NRXN1: variants seen among roughly 807,000 people sequenced by gnomAD.
NRXN1 encodes the protein neurexin-1.
In NRXN1, 39 loss-of-function variants were observed where a neutral mutation model predicts 150.9. The ratio of observed to expected loss-of-function variants is 0.26; its 90% CI spans 0.20 to 0.34. NRXN1 has a LOEUF of 0.34. NRXN1 is among the 10% of genes least tolerant of loss of function. The pLI is 1.00. For synonymous variants in NRXN1, 924 were observed against 757.0 expected (o/e 1.22, Z -3.62); for missense variants, 1,815 against 1,949.9 (o/e 0.93, Z 1.30).
intron 9 of NRXN1, 45 bp downstream of exon 9, chr2:50,552,541 TG>T: frequency 7.0e-7 from 1 of 1,420,886 alleles, no homozygotes; most frequent in Non-Finnish European, 9.9e-7. Flanking sequence ...CATGGGTGGG[TG>T]GGGTGCTCCA....
At chr2:50,661,495 T>C (rs1350402482) in intron 5 of NRXN1, among the ~76,000 whole-genome samples, 2 of 152,082 alleles carry the variant, frequency 1.3e-5, no homozygotes, top group Non-Finnish European at 2.9e-5. Flanking sequence ...TGCTCAACTA[T>C]AGCTTATTAA....
chr2:50,711,133 G>A (rs539500984), intron 5 of NRXN1, among the ~76,000 whole-genome samples: 6 of 152,080 alleles, frequency 3.9e-5, no homozygotes, highest in East Asian at 1.9e-4. Flanking sequence ...ACAACCCTGC[G>A]TAGCAAACAC....
chr2:50,825,014 C>CA (rs1293613285), intron 5 of NRXN1, among the ~76,000 whole-genome samples: 1 of 152,206 alleles, frequency 6.6e-6, no homozygotes, highest in East Asian at 1.9e-4. Context: ...GAAGAAAAGT[C>CA]AAAAAATTAG....
At chr2:50,135,597 G>A (rs571000633) in intron 18 of NRXN1, among the ~76,000 whole-genome samples, 5 of 152,186 alleles carry the variant, frequency 3.3e-5, no homozygotes, top group African/African-American at 9.6e-5. Context: ...AGGCTGAGGC[G>A]GGAGACTGGC....
chr2:50,044,839 G>A lies in NRXN1; in HGVS notation c.4128+8432C>T, dbSNP rs954558916. 5.3e-5 allele frequency among the ~76,000 whole-genome samples: 8 copies of A among 152,090 alleles called. No individual in the cohort carries two copies. The East Asian group carries it at 1.3e-3, about 26-fold the overall frequency. On this transcript the variant is annotated intron_variant, in intron 21 of 22. Coordinates refer to ENST00000401669, the MANE Select transcript of NRXN1 (RefSeq NM_001330078.2). ...GTTGCACATAAGATTTTGCAAATTT[G>A]TAATTCTAAATGAAAATTTTGTGGA...
chr2:50,635,382 G>C (rs1683086511), intron 5 of NRXN1, among the ~76,000 whole-genome samples: 1 of 151,074 alleles, frequency 6.6e-6, no homozygotes, highest in Non-Finnish European at 1.5e-5. Context: ...AGCCAGGATG[G>C]TCTCGATCTC....
At chr2:50,081,118 T>G (rs573072351) in intron 19 of NRXN1, among the ~76,000 whole-genome samples, 3 of 152,308 alleles carry the variant, frequency 2.0e-5, no homozygotes, top group African/African-American at 7.2e-5. Context: ...CAAAGGAAGT[T>G]AAGAAAAACT....
At chr2:50,646,044 G>T (rs1056717591) in intron 5 of NRXN1, among the ~76,000 whole-genome samples, 1 of 151,876 alleles carries the variant, frequency 6.6e-6, no homozygotes, top group African/African-American at 2.4e-5. Context: ...GAAGAATAAG[G>T]TCTAAATCAG....
intron 2 of NRXN1, among the ~76,000 whole-genome samples, chr2:50,975,999 T>A (rs1050061479): frequency 6.6e-6 from 1 of 151,976 alleles, no homozygotes; most frequent in African/African-American, 2.4e-5. Context: ...ACATATATAT[T>A]TTTTATATTT....
chr2:50,984,524 G>A (rs1575127980), intron 2 of NRXN1, among the ~76,000 whole-genome samples: 1 of 151,910 alleles, frequency 6.6e-6, no homozygotes, highest in East Asian at 1.9e-4. Context: ...GATTTCCAGA[G>A]AAGGGAACTA....
intron 12 of NRXN1, among the ~76,000 whole-genome samples, chr2:50,512,002 T>C (rs2092469427): frequency 6.6e-6 from 1 of 152,090 alleles, no homozygotes; most frequent in South Asian, 2.1e-4. Context: ...ATCAACTAAT[T>C]ATGTTACCTT....
At chr2:50,033,969 GA>G (rs61264442) in intron 21 of NRXN1, among the ~76,000 whole-genome samples, 3,860 of 109,822 alleles carry the variant, frequency 0.035, 113 homozygotes, top group African/African-American at 0.1. Context: ...TTAAAAAGTG[GA>G]AAAAAAAAAA....
At chr2:50,770,811 C>T (rs1434093083) in intron 5 of NRXN1, among the ~76,000 whole-genome samples, 1 of 151,914 alleles carries the variant, frequency 6.6e-6, no homozygotes, top group Non-Finnish European at 1.5e-5. Flanking sequence ...AAGTAATTAG[C>T]TTAAATTTTG....
chr2:50,860,437 AC>A (rs1451650560), intron 5 of NRXN1, among the ~76,000 whole-genome samples: 1 of 152,102 alleles, frequency 6.6e-6, no homozygotes, highest in Non-Finnish European at 1.5e-5. Flanking sequence ...TTGAGGTGCG[AC>A]CTGCAGAGGT....
At chr2:50,893,368 G>A (rs535141350) in intron 5 of NRXN1, among the ~76,000 whole-genome samples, 1 of 152,204 alleles carries the variant, frequency 6.6e-6, no homozygotes, top group East Asian at 1.9e-4. Flanking sequence ...AAATGTTAAA[G>A]GGGGCTTTCA....
At chr2:50,675,461 A>G (rs1689418684) in intron 5 of NRXN1, among the ~76,000 whole-genome samples, 1 of 152,158 alleles carries the variant, frequency 6.6e-6, no homozygotes. Flanking sequence ...ATGCTGTATC[A>G]GGAAATCAAC....
intron 8 of NRXN1, among the ~76,000 whole-genome samples, chr2:50,573,146 G>C (rs1332724158): frequency 2.6e-5 from 4 of 152,078 alleles, no homozygotes; most frequent in African/African-American, 4.8e-5. Context: ...GGGGCAGGAG[G>C]ATTGCTTGAG....
At chr2:50,710,513 G>A (rs1367473041) in intron 5 of NRXN1, among the ~76,000 whole-genome samples, 1 of 152,094 alleles carries the variant, frequency 6.6e-6, no homozygotes, top group African/African-American at 2.4e-5. Context: ...GCTATTAGAT[G>A]TCATTAATAC....
At chr2:50,693,738 T>A (rs1692399450) in intron 5 of NRXN1, among the ~76,000 whole-genome samples, 1 of 152,180 alleles carries the variant, frequency 6.6e-6, no homozygotes, top group African/African-American at 2.4e-5. Context: ...TTTTCAAAAT[T>A]GCAGATATGT....
Sources: gnomAD v4.1 joint callset for allele counts (sites outside exome capture counted in the v4.1 genomes callset) on GRCh38, gnomAD v4.1.1 for gene constraint, MANE v1.5 for transcripts, NCBI Gene and HGNC (gene_info 2026-07-23, HGNC 2026-07-21) for gene names.